The following INTU variants were observed in gnomAD, a reference collection of about 807,000 sequenced individuals.
INTU encodes the protein protein inturned.
Under a neutral mutation model 100.5 loss-of-function variants are expected in INTU, and 68 were observed. That is an observed-to-expected ratio of 0.68 (90% CI 0.56 to 0.83). The LOEUF is 0.83. Among genes scored for constraint, INTU ranks in the 40% least tolerant of loss-of-function variants. The pLI, the probability that INTU is intolerant of heterozygous loss-of-function variation, is 0.00. For synonymous variants in INTU, 357 were observed against 395.7 expected, an observed-to-expected ratio of 0.90 and a Z score of 1.16; for missense variants, 1,071 against 1,114.7, an observed-to-expected ratio of 0.96 and a Z score of 0.56.
chr4:127,676,707 G>A (rs898238470), intron 6 of INTU, among the ~76,000 whole-genome samples: 20 of 152,176 alleles, frequency 1.3e-4, no homozygotes, highest in African/African-American at 2.7e-4. Context: ...TCCATCTGAG[G>A]TACCGGGTTC....
chr4:127,713,951 A>G lies in INTU; in HGVS notation c.2575A>G (p.Asn859Asp), dbSNP rs1731175539. The G allele has an allele frequency of 6.2e-7, 1 of 1,607,888 alleles. No homozygotes were observed. Among genetic ancestry groups the G allele is most frequent in the Non-Finnish European group, 8.5e-7 (1 of 1,175,376 alleles). ...TAATTTACAGAAAAAGAAAGGACTA[A>G]ATAGTGGAGACCATTCAGATTCTGC... ...TLVEEKKKGL[N>D]SGDHSDSAKS... Residue 859 changes from asparagine (N) to aspartate (D), a missense_variant, in exon 15 of 16, where the codon AAT becomes GAT. By Grantham distance (23) the Asn-to-Asp change is conservative. Coordinates refer to ENST00000335251, the MANE Select transcript of INTU (RefSeq NM_015693.4).
intron 9 of INTU, among the ~76,000 whole-genome samples, chr4:127,703,251 G>T: frequency 6.6e-6 from 1 of 152,018 alleles, no homozygotes; most frequent in East Asian, 1.9e-4. Context: ...GGAATGGCTG[G>T]GTTATTTCCA....
At chr4:127,708,508 A>T in intron 12 of INTU, 63 bp from the exon 13 acceptor site, 1 of 835,614 alleles carries the variant, frequency 1.2e-6, no homozygotes, top group Non-Finnish European at 1.9e-6. Context: ...TAATTTTTAA[A>T]TTGTTTCTGC....
chr4:127,654,868 C>T (rs1189616894), intron 2 of INTU, among the ~76,000 whole-genome samples: 4 of 144,524 alleles, frequency 2.8e-5, no homozygotes, highest in Non-Finnish European at 6.0e-5. Context: ...ACCAATCAGA[C>T]GTAGATTTGG....
intron 3 of INTU, among the ~76,000 whole-genome samples, chr4:127,657,575 C>T (rs1398437249): frequency 6.6e-6 from 1 of 152,052 alleles, no homozygotes. Flanking sequence ...CAGCTGCTCC[C>T]CATCGCTCAC....
At chr4:127,646,990 A>T (rs1011549364) in intron 2 of INTU, among the ~76,000 whole-genome samples, 1 of 152,114 alleles carries the variant, frequency 6.6e-6, no homozygotes, top group Non-Finnish European at 1.5e-5. Flanking sequence ...TCACAATTTG[A>T]TCTCATTTTT....
At chr4:127,640,186 T>C (rs1219727238) in intron 1 of INTU, among the ~76,000 whole-genome samples, 1 of 152,116 alleles carries the variant, frequency 6.6e-6, no homozygotes, top group Non-Finnish European at 1.5e-5. Flanking sequence ...ATTATTGTAT[T>C]TTCTATTGAC....
intron 2 of INTU, among the ~76,000 whole-genome samples, chr4:127,644,470 A>T (rs1243187989): frequency 2.0e-5 from 3 of 152,222 alleles, no homozygotes; most frequent in African/African-American, 7.2e-5. Context: ...GTATGTTTGC[A>T]CTTGAGTACA....
chr4:127,651,041 C>T (rs1727843021), intron 2 of INTU, among the ~76,000 whole-genome samples: 1 of 152,124 alleles, frequency 6.6e-6, no homozygotes, highest in Non-Finnish European at 1.5e-5. Context: ...TGTTCATGTC[C>T]TTCTCCCACT....
chr4:127,674,198 G>T lies in INTU; in HGVS notation c.1166G>T (p.Gly389Val). Residue 389 changes from glycine (G) to valine (V), a missense_variant, in exon 6 of 16, where the codon GGC (glycine) becomes GTC (valine). Physicochemically the swap from Gly to Val is moderately radical, Grantham distance 109. Transcript: ENST00000335251. Reference sequence around the variant, plus strand: ...GAATCTGACAAGTTGTTGCTAATTGGCCTGCCTGCTGAAGAGTAAGTTGAG... The same window carrying T: ...GAATCTGACAAGTTGTTGCTAATTGTCCTGCCTGCTGAAGAGTAAGTTGAG... ...WKESDKLLLI[G>V]LPAEEVPLPR... The T allele has an allele frequency of 6.2e-7, 1 of 1,609,856 alleles. No homozygotes were observed. The highest frequency in any genetic ancestry group is 8.5e-7 in the Non-Finnish European group (1 of 1,177,958).
At chr4:127,649,844 A>G (rs953599483) in intron 2 of INTU, among the ~76,000 whole-genome samples, 2 of 152,292 alleles carry the variant, frequency 1.3e-5, no homozygotes, top group East Asian at 3.9e-4. Context: ...AATATGAATT[A>G]TTTCATCAAT....
rs900822196 is a variant in INTU, at chr4:127,725,485, T to G, written c.*9049T>G. ...TCTGGATATGTCCCTGAAAATACCATGAACTACTTCTAATACTGATAATTA... is the reference window on the plus strand; with the variant it reads ...TCTGGATATGTCCCTGAAAATACCAGGAACTACTTCTAATACTGATAATTA... On this transcript the variant is annotated 3_prime_UTR_variant, in exon 16 of 16. Coordinates refer to ENST00000335251, the MANE Select transcript of INTU (RefSeq NM_015693.4). 1 of 152,216 alleles carries G rather than the reference T, an allele frequency of 6.6e-6. No homozygotes were observed. Among genetic ancestry groups the G allele is most frequent in the African/African-American group, 2.4e-5 (1 of 41,444 alleles). The allele number at this position is 152,216 out of a possible 1,614,324, so 9.4% of individuals were successfully genotyped here. A position where few individuals can be genotyped will look rare whatever the true frequency, so the allele number is the denominator to read the frequency against.
intron 4 of INTU, among the ~76,000 whole-genome samples, chr4:127,668,651 A>C (rs145200270): frequency 6.6e-6 from 1 of 151,760 alleles, no homozygotes; most frequent in African/African-American, 2.4e-5. Flanking sequence ...CTGTGTAGCT[A>C]TGTAACCACA....
intron 2 of INTU, among the ~76,000 whole-genome samples, chr4:127,648,998 A>G (rs1331474492): frequency 6.6e-6 from 1 of 152,166 alleles, no homozygotes; most frequent in Non-Finnish European, 1.5e-5. Flanking sequence ...ACCTAGTTCA[A>G]GCCTTCACAG....
Position 127,632,961 on chromosome 4 carries a change from G to A in INTU, c.-74G>A. On this transcript the variant is annotated 5_prime_UTR_variant, in exon 1 of 16. Coordinates refer to ENST00000335251, the MANE Select transcript of INTU (RefSeq NM_015693.4). The stretch of plus-strand genomic sequence containing the variant: ...GGCCTCTGCCCCTTCCCAAGCAGAG[G>A]CAACATGGCGGCCTTAGCAAGCTAT... 1.3e-6 allele frequency: 2 copies of A among 1,488,940 alleles called. No homozygotes were observed. Among genetic ancestry groups the A allele is most frequent in the Non-Finnish European group, 1.8e-6 (2 of 1,099,840 alleles). The allele number at this position is 1,488,940 out of a possible 1,614,324, so 92.2% of individuals were successfully genotyped here. A position where few individuals can be genotyped will look rare whatever the true frequency, so the allele number is the denominator to read the frequency against.
chr4:127,708,108 T>C (rs1423001175), intron 12 of INTU, among the ~76,000 whole-genome samples: 1 of 152,168 alleles, frequency 6.6e-6, no homozygotes, highest in Admixed American at 6.5e-5. Context: ...GGAAATAGTC[T>C]AAAAAGATTT....
At chr4:127,707,506 G>GTGT (rs1381756694) in intron 12 of INTU, among the ~76,000 whole-genome samples, 2 of 150,710 alleles carry the variant, frequency 1.3e-5, no homozygotes, top group African/African-American at 4.9e-5. Context: ...CTCAATTTCC[G>GTGT]TGTTCATCTC....
intron 2 of INTU, among the ~76,000 whole-genome samples, chr4:127,645,436 C>A (rs964771592): frequency 6.6e-6 from 1 of 152,188 alleles, no homozygotes; most frequent in Admixed American, 6.5e-5. Context: ...CAGCCCCAAC[C>A]ACCATCTGCC....
chr4:127,633,336 G>A (rs775944825), intron 1 of INTU, among the ~76,000 whole-genome samples, 156 bp downstream of exon 1: 4 of 152,168 alleles, frequency 2.6e-5, no homozygotes, highest in Non-Finnish European at 5.9e-5. Flanking sequence ...CCATTGTATG[G>A]TGGTGTGAGC....
Sources: gnomAD v4.1 joint callset for allele counts (sites outside exome capture counted in the v4.1 genomes callset) on GRCh38, gnomAD v4.1.1 for gene constraint, MANE v1.5 for transcripts, NCBI Gene and HGNC (gene_info 2026-07-23, HGNC 2026-07-21) for gene names.